FNBP1: variants seen among roughly 807,000 people sequenced by gnomAD.
FNBP1 encodes the protein formin-binding protein 1.
FNBP1 carries 26 observed loss-of-function variants against 90.6 expected under a neutral mutation model. That is an observed-to-expected ratio of 0.29 (90% CI 0.21 to 0.40). The LOEUF is 0.40. Among genes scored for constraint, FNBP1 ranks in the 10% least tolerant of loss-of-function variants. The pLI is 1.00. For synonymous variants in FNBP1, 260 were observed against 265.2 expected (o/e 0.98, Z 0.19); for missense variants, 635 against 768.0 (o/e 0.83, Z 2.05).
rs1319143983 is a variant in FNBP1, at chr9:130,008,154, G to A, written c.25-13196C>T. 2.6e-5 allele frequency among the ~76,000 whole-genome samples: 4 copies of A among 151,374 alleles called. No homozygotes were observed. In the South Asian group the frequency reaches 8.3e-4, roughly 31 times the overall value. On this transcript the variant is annotated intron_variant, in intron 1 of 16. Coordinates refer to ENST00000446176, the MANE Select transcript of FNBP1 (RefSeq NM_015033.3). ...GAGCCCAGGAGTTCGAGACCAGCCT[G>A]AGCAACATGGCGAGACCCACTCTGC...
intron 1 of FNBP1, among the ~76,000 whole-genome samples, chr9:130,013,224 C>T (rs1283879865): frequency 6.6e-6 from 1 of 152,092 alleles, no homozygotes; most frequent in Non-Finnish European, 1.5e-5. Context: ...AAGCAATCCC[C>T]CTGCCTCGGC....
intron 6 of FNBP1, among the ~76,000 whole-genome samples, chr9:129,938,964 G>A (rs751197538): frequency 1.1e-4 from 16 of 151,928 alleles, no homozygotes; most frequent in Non-Finnish European, 1.8e-4. Context: ...TTTTCATTAT[G>A]GTAGGTTTGA....
chr9:130,040,310 T>G (rs1351355406), intron 1 of FNBP1, among the ~76,000 whole-genome samples: 1 of 152,212 alleles, frequency 6.6e-6, no homozygotes, highest in Non-Finnish European at 1.5e-5. Context: ...AGGCAAATGC[T>G]GGTACTCATA....
At chr9:129,965,467 T>C (rs1357661811) in intron 4 of FNBP1, among the ~76,000 whole-genome samples, 1 of 152,174 alleles carries the variant, frequency 6.6e-6, no homozygotes, top group Non-Finnish European at 1.5e-5. Flanking sequence ...TGGCTACTCC[T>C]CTGCTCACTG....
At chr9:129,911,157 C>T (rs1004594715) in intron 11 of FNBP1, among the ~76,000 whole-genome samples, 2 of 152,154 alleles carry the variant, frequency 1.3e-5, no homozygotes, top group Non-Finnish European at 1.5e-5. Flanking sequence ...CCACCATGCG[C>T]GGCCTCTTGC....
At position 129,915,995 on chromosome 9, in the gene FNBP1, T is replaced by C. The variant is rs983295569; in HGVS notation, c.1171-15A>G. 1 of 1,595,570 alleles carries C rather than the reference T, an allele frequency of 6.3e-7. No homozygotes were observed. Among genetic ancestry groups the C allele is most frequent in the Admixed American group, 1.7e-5 (1 of 59,746 alleles). On this transcript the variant is annotated splice_polypyrimidine_tract_variant and intron_variant, in intron 10 of 16. Coordinates refer to ENST00000446176, the MANE Select transcript of FNBP1 (RefSeq NM_015033.3). ...TTGAGAGAAAGCTTCATGTAAAAATTGGAGAGGTATGGGAAAAATAGAGAG... is the reference window on the plus strand; with the variant it reads ...TTGAGAGAAAGCTTCATGTAAAAATCGGAGAGGTATGGGAAAAATAGAGAG...
At chr9:130,035,297 A>G (rs556000003) in intron 1 of FNBP1, among the ~76,000 whole-genome samples, 1 of 152,290 alleles carries the variant, frequency 6.6e-6, no homozygotes, top group Non-Finnish European at 1.5e-5. Flanking sequence ...TCTTCTTGGG[A>G]CGACCTCTGG....
chr9:129,965,794 G>A (rs1257810251), intron 4 of FNBP1, among the ~76,000 whole-genome samples: 37 of 133,608 alleles, frequency 2.8e-4, no homozygotes, highest in Middle Eastern at 3.6e-3. Context: ...AGGAGGGAGG[G>A]AGGGGGGAAG....
At chr9:129,972,154 G>GA (rs935710245) in intron 4 of FNBP1, among the ~76,000 whole-genome samples, 2 of 152,156 alleles carry the variant, frequency 1.3e-5, no homozygotes, top group African/African-American at 4.8e-5. Context: ...TATTTTTCGA[G>GA]ATGGAGTCTT....
intron 6 of FNBP1, among the ~76,000 whole-genome samples, chr9:129,952,301 A>T (rs2046303210): frequency 6.6e-6 from 1 of 151,934 alleles, no homozygotes; most frequent in Non-Finnish European, 1.5e-5. Context: ...GGGGTTCGAG[A>T]CCAGCCTGGC....
intron 10 of FNBP1, among the ~76,000 whole-genome samples, chr9:129,923,554 G>A (rs1440878210): frequency 2.0e-5 from 3 of 150,740 alleles, no homozygotes; most frequent in Non-Finnish European, 1.5e-5. Flanking sequence ...ACTCCAGCCT[G>A]GTGACAGAGC....
intron 16 of FNBP1, among the ~76,000 whole-genome samples, chr9:129,894,482 GAAACA>G (rs1289229488): frequency 1.3e-5 from 2 of 152,090 alleles, no homozygotes; most frequent in Non-Finnish European, 2.9e-5. Context: ...ATTAAAAGCA[GAAACA>G]AAACAAAACA....
Position 129,893,612 on chromosome 9 carries a change from C to CAAAAAAAAAAAAAAAAA in FNBP1, c.1846+2209_1846+2225dup, listed in dbSNP as rs1216398298. On this transcript the variant is annotated intron_variant, in intron 16 of 16. Coordinates refer to ENST00000446176, the MANE Select transcript of FNBP1 (RefSeq NM_015033.3). The stretch of plus-strand genomic sequence containing the variant: ...TAGGTGACAGAGTGAGACTCTGTCT[C>CAAAAAAAAAAAAAAAAA]AAAAAAAAAAAAAAAAAAAAAAAAA... Among the ~76,000 whole-genome samples the CAAAAAAAAAAAAAAAAA allele has an allele frequency of 1.9e-3, 43 of 22,314 alleles. 20 individuals are homozygous for CAAAAAAAAAAAAAAAAA. The highest frequency in any genetic ancestry group is 3.7e-3 in the East Asian group (4 of 1,088). 14.6% of individuals were successfully genotyped at this position (22,314 alleles called of 152,430 possible). A position where few individuals can be genotyped will look rare whatever the true frequency, so the allele number is the denominator to read the frequency against.
intron 7 of FNBP1, among the ~76,000 whole-genome samples, chr9:129,929,143 C>T (rs2042349526): frequency 6.6e-6 from 1 of 151,244 alleles, no homozygotes; most frequent in Admixed American, 6.6e-5. Flanking sequence ...GGCATGGTGG[C>T]TCAGGCCTGT....
chr9:129,983,943 C>T (rs779785647), intron 2 of FNBP1, among the ~76,000 whole-genome samples: 16 of 152,074 alleles, frequency 1.1e-4, no homozygotes, highest in Non-Finnish European at 1.6e-4. Flanking sequence ...TAGAAAATCT[C>T]GACTTGTTTT....
chr9:129,941,246 G>T (rs544029278), intron 6 of FNBP1, among the ~76,000 whole-genome samples: 1 of 152,038 alleles, frequency 6.6e-6, no homozygotes, highest in Non-Finnish European at 1.5e-5. Context: ...AAAATTAGCC[G>T]TGCATGGTGG....
chr9:129,989,200 TG>T (rs2052741583), intron 2 of FNBP1, among the ~76,000 whole-genome samples: 1 of 152,210 alleles, frequency 6.6e-6, no homozygotes, highest in Non-Finnish European at 1.5e-5. Flanking sequence ...TTTACATATT[TG>T]GAGTCATACA....
intron 1 of FNBP1, among the ~76,000 whole-genome samples, chr9:130,012,947 T>C (rs1193986552): frequency 6.6e-6 from 1 of 152,016 alleles, no homozygotes; most frequent in South Asian, 2.1e-4. Flanking sequence ...CCAGAAATGA[T>C]TTTTAAACAA....
At chr9:130,008,947 C>G (rs2056180401) in intron 1 of FNBP1, among the ~76,000 whole-genome samples, 1 of 152,026 alleles carries the variant, frequency 6.6e-6, no homozygotes, top group African/African-American at 2.4e-5. Context: ...CTCTAAATAC[C>G]AGGGAGAACT....
Sources: allele counts gnomAD v4.1 joint callset (sites outside exome capture counted in the v4.1 genomes callset), GRCh38; gene constraint gnomAD v4.1.1; transcripts MANE v1.5; gene names NCBI Gene and HGNC (gene_info 2026-07-23, HGNC 2026-07-21).